Variants in ABCB1 observed in about 807,000 individuals in gnomAD.
ABCB1 encodes the protein ATP-dependent translocase ABCB1.
In ABCB1, 69 loss-of-function variants were observed where a neutral mutation model predicts 142.0. That is an observed-to-expected ratio of 0.49 (90% CI 0.40 to 0.59). ABCB1 has a LOEUF of 0.59. ABCB1 is among the 20% of genes least tolerant of loss of function. The probability of loss-of-function intolerance (pLI) is 0.00; values close to 1 mark genes in which losing one functional copy is unlikely to be tolerated. For missense variants in ABCB1, 1,326 were observed against 1,554.7 expected, an observed-to-expected ratio of 0.85 and a Z score of 2.47; for synonymous variants, 532 against 539.2, an observed-to-expected ratio of 0.99 and a Z score of 0.18.
In ABCB1 at chr7:87,509,271, T is replaced by C; in HGVS notation, c.3489+4A>G. The C allele has an allele frequency of 3.1e-6, 5 of 1,614,100 alleles. No homozygotes were observed. The highest frequency in any genetic ancestry group is 4.2e-6 in the Non-Finnish European group (5 of 1,179,988). On this transcript the variant is annotated splice_donor_region_variant and intron_variant, in intron 26 of 27. Coordinates refer to ENST00000622132, the MANE Select transcript of ABCB1 (RefSeq NM_001348946.2). ...CCAGGCTGTTTATTTGAAGAGAGACTTACATTAGGCAGTGACTCGATGAAG... is the reference window on the plus strand; with the variant it reads ...CCAGGCTGTTTATTTGAAGAGAGACCTACATTAGGCAGTGACTCGATGAAG...
At position 87,545,881 on chromosome 7, in the gene ABCB1, G is replaced by T; in HGVS notation, c.1869C>A (p.Phe623Leu). ...DELMKEKGIY[F>L]KLVTMQTAGN... ...ACTATACCTGCATTGTGACAAGTTT[G>T]AAGTAAATGCCTTTCTCTTTCATGA... Residue 623 changes from phenylalanine (F) to leucine (L), a missense_variant, in exon 15 of 28, where the codon TTC becomes TTA. By Grantham distance (22) the Phe-to-Leu change is conservative. Coordinates refer to ENST00000622132, the MANE Select transcript of ABCB1 (RefSeq NM_001348946.2). 6.2e-7 allele frequency: 1 copy of T among 1,614,154 alleles called. No individual in the cohort carries two copies. The highest frequency in any genetic ancestry group is 1.1e-5 in the South Asian group (1 of 91,068).
At chr7:87,646,783 G>T (rs547509994) in intron 1 of ABCB1, among the ~76,000 whole-genome samples, 2 of 152,140 alleles carry the variant, frequency 1.3e-5, no homozygotes, top group Admixed American at 1.3e-4. Flanking sequence ...TGAGATGGAC[G>T]TAGGAAATAA....
At chr7:87,603,222 A>C (rs1015809240), upstream of ABCB1, 2 of 152,262 alleles carry the variant, frequency 1.3e-5, no homozygotes, top group Non-Finnish European at 2.9e-5. Context: ...ACTGCCAAGC[A>C]CTTCAAAGAA....
intron 1 of ABCB1, among the ~76,000 whole-genome samples, chr7:87,673,441 A>T (rs988140252): frequency 6.6e-6 from 1 of 151,992 alleles, no homozygotes; most frequent in African/African-American, 2.4e-5. Flanking sequence ...TCTTTTTCTG[A>T]CTGAGCTAAT....
chr7:87,561,771 A>G (rs1817570872), intron 7 of ABCB1, among the ~76,000 whole-genome samples: 1 of 152,208 alleles, frequency 6.6e-6, no homozygotes, highest in Non-Finnish European at 1.5e-5. Flanking sequence ...TAATTGCTTG[A>G]GCCCAGGAAT....
chr7:87,629,045 GC>G, intron 1 of ABCB1: 1 of 1,110,728 alleles, frequency 9.0e-7, no homozygotes, highest in Non-Finnish European at 1.2e-6. Flanking sequence ...ATGGGCTGCC[GC>G]CCAGTGCCCC....
At chr7:87,694,612 A>G (rs1828329637) in intron 1 of ABCB1, among the ~76,000 whole-genome samples, 1 of 152,194 alleles carries the variant, frequency 6.6e-6, no homozygotes, top group Non-Finnish European at 1.5e-5. Context: ...TTCTGTACCT[A>G]TAGTCTTAAT....
At chr7:87,566,352 A>G in intron 6 of ABCB1, 111 bp from the exon 7 acceptor site, 2 of 1,136,568 alleles carry the variant, frequency 1.8e-6, no homozygotes, top group Non-Finnish European at 2.6e-6. Flanking sequence ...TTTTGTGCCT[A>G]TGCTTTGTTT....
chr7:87,646,462 T>C (rs1823013165), intron 1 of ABCB1, among the ~76,000 whole-genome samples: 1 of 152,114 alleles, frequency 6.6e-6, no homozygotes, highest in Non-Finnish European at 1.5e-5. Flanking sequence ...AATATAAGTT[T>C]TGGTGTATTT....
Position 87,531,500 on chromosome 7 carries a change from G to A in ABCB1, c.2482-3C>T, listed in dbSNP as rs752216494. On this transcript the variant is annotated splice_polypyrimidine_tract_variant and splice_region_variant and intron_variant, in intron 20 of 27. Transcript: ENST00000622132. ...ACAGCAAGCCTGGAACCTATAGCCT[G>A]CAAAACAAAACAAATTAGAGAAATT... is the stretch of plus-strand genomic sequence containing the variant. 1.2e-6 allele frequency: 2 copies of A among 1,612,070 alleles called. No homozygotes were observed. Among genetic ancestry groups the A allele is most frequent in the East Asian group, 2.2e-5 (1 of 44,784 alleles).
rs2117053160 is a variant in ABCB1 at position 87,504,260 on chromosome 7, C to A, written c.3826G>T (p.Gly1276Ter). ...GTCAGAGTTCACTGGCGCTTTGTTC[C>A]AGCCTGGACACTGACCATTGAAAAA... Reference protein sequence around the residue: ...IYFSMVSVQAGTKRQ With the variant: ...IYFSMVSVQA Residue 1276 changes from glycine to a stop codon, truncating the protein, a stop_gained, in exon 28 of 28, where the codon GGA (glycine) becomes TGA (stop). Coordinates refer to ENST00000622132, the MANE Select transcript of ABCB1 (RefSeq NM_001348946.2). LOFTEE classifies it high-confidence loss of function. 6.2e-7 allele frequency: 1 copy of A among 1,614,102 alleles called. No individual in the cohort carries two copies. The highest frequency in any genetic ancestry group is 8.5e-7 in the Non-Finnish European group (1 of 1,180,018).
At chr7:87,680,411 A>G (rs1269498590) in intron 1 of ABCB1, among the ~76,000 whole-genome samples, 1 of 150,832 alleles carries the variant, frequency 6.6e-6, no homozygotes, top group African/African-American at 2.5e-5. Context: ...CATGCAATTA[A>G]AGCAGCACTT....
chr7:87,642,116 T>C (rs1243718025), intron 1 of ABCB1, among the ~76,000 whole-genome samples: 3 of 151,902 alleles, frequency 2.0e-5, no homozygotes, highest in Non-Finnish European at 4.4e-5. Context: ...TTATTTAAAT[T>C]AGATTTATTT....
At chr7:87,580,335 A>C (rs1818456004) in intron 4 of ABCB1, among the ~76,000 whole-genome samples, 1 of 152,162 alleles carries the variant, frequency 6.6e-6, no homozygotes, top group Non-Finnish European at 1.5e-5. Context: ...TTTTAGGATA[A>C]AAAGTGTTTT....
chr7:87,627,965 C>G (rs1033725491), intron 1 of ABCB1: 1 of 152,296 alleles, frequency 6.6e-6, no homozygotes, highest in South Asian at 2.1e-4. Context: ...TGTTTATTAG[C>G]CCCTGGGAGG....
intron 4 of ABCB1, among the ~76,000 whole-genome samples, chr7:87,571,401 G>A (rs1052519205): frequency 5.3e-5 from 8 of 152,138 alleles, no homozygotes; most frequent in African/African-American, 1.9e-4. Flanking sequence ...TTCTACGAGA[G>A]TTTAGCCACC....
At chr7:87,521,071 T>A (rs529855881) in intron 21 of ABCB1, 195 bp from the exon 22 acceptor site, 1 of 568,452 alleles carries the variant, frequency 1.8e-6, no homozygotes, top group South Asian at 2.1e-5. Flanking sequence ...GATTGACTAA[T>A]TCAAACTTCT....
intron 1 of ABCB1, among the ~76,000 whole-genome samples, chr7:87,671,204 T>G (rs1255699590): frequency 6.6e-6 from 1 of 152,186 alleles, no homozygotes; most frequent in African/African-American, 2.4e-5. Context: ...GGAGACGTAC[T>G]GGCCTCCTCT....
intron 5 of ABCB1, among the ~76,000 whole-genome samples, chr7:87,568,266 T>TAATAATAATAA (rs377151956): frequency 0.12 from 17,589 of 145,034 alleles, 1,244 homozygotes; most frequent in African/African-American, 0.2. Context: ...ATAATAATAA[T>TAATAATAATAA]AAAAATTAGC....
Sources: allele counts gnomAD v4.1 joint callset (sites outside exome capture counted in the v4.1 genomes callset), GRCh38; gene constraint gnomAD v4.1.1; transcripts MANE v1.5; gene names NCBI Gene and HGNC (gene_info 2026-07-23, HGNC 2026-07-21).